ANKRD44: variants seen among roughly 807,000 people sequenced by gnomAD.
ANKRD44 encodes the protein serine/threonine-protein phosphatase 6 regulatory ankyrin repeat subunit B.
Under a neutral mutation model 116.0 loss-of-function variants are expected in ANKRD44, and 35 were observed. The ratio of observed to expected loss-of-function variants is 0.30; its 90% confidence interval spans 0.23 to 0.40. ANKRD44 has a LOEUF of 0.40. Among genes scored for constraint, ANKRD44 ranks in the 10% least tolerant of loss-of-function variants. The pLI is 1.00. For synonymous variants in ANKRD44, 435 were observed against 461.8 expected (o/e 0.94, Z 0.74); for missense variants, 1,014 against 1,242.6 (o/e 0.82, Z 2.77).
intron 21 of ANKRD44, among the ~76,000 whole-genome samples, chr2:196,968,105 T>C (rs1424952270): frequency 1.3e-5 from 2 of 152,196 alleles, no homozygotes; most frequent in African/African-American, 4.8e-5. Flanking sequence ...CTTTGTAAAT[T>C]ACCCAGCCTC....
chr2:197,293,754 C>T (rs1329557715), intron 1 of ANKRD44, among the ~76,000 whole-genome samples: 2 of 152,140 alleles, frequency 1.3e-5, no homozygotes, highest in East Asian at 1.9e-4. Context: ...AGGCAATATC[C>T]TTATGGCCTT....
At chr2:197,076,850 G>T (rs1329590766) in intron 16 of ANKRD44, among the ~76,000 whole-genome samples, 4 of 152,146 alleles carry the variant, frequency 2.6e-5, no homozygotes, top group African/African-American at 4.8e-5. Context: ...CTTTTTTATG[G>T]CTGCATAGTA....
chr2:197,147,061 T>G lies in ANKRD44; in HGVS notation c.156A>C (p.Gly52=), dbSNP rs1362534327. 6.2e-7 allele frequency: 1 copy of G among 1,613,908 alleles called. No individual in the cohort carries two copies. The highest frequency in any genetic ancestry group is 8.5e-7 in the Non-Finnish European group (1 of 1,179,804). Residue 52 remains glycine (G), a synonymous_variant, in exon 3 of 28, where the codon GGA becomes GGC. Transcript: ENST00000282272. ...TCAGGAGTTCAATGATCTCTGCATC[T>G]CCCAGAAATGCGGCCACATGAAGAG... ...RTPLHVAAFL[G]DAEIIELLIL... is the part of the protein sequence containing the mutation.
chr2:196,999,887 C>T (rs982619882), intron 23 of ANKRD44, among the ~76,000 whole-genome samples: 1 of 152,086 alleles, frequency 6.6e-6, no homozygotes, highest in Non-Finnish European at 1.5e-5. Context: ...GCCACTGTAC[C>T]CTGCCCAGAC....
At chr2:196,979,554 C>CTTTTTTTTTTTTTTTTTTTTTT (rs71012942) in intron 21 of ANKRD44, among the ~76,000 whole-genome samples, 12 of 59,644 alleles carry the variant, frequency 2.0e-4, no homozygotes, top group Middle Eastern at 0.012. Flanking sequence ...AATAAGATGA[C>CTTTTTTTTTTTTTTTTTTTTTT]TTTTTTTTTT....
chr2:197,118,637 G>GAGAGAGAGAGAGAGAGAGAAAGAA (rs773839262), intron 8 of ANKRD44, among the ~76,000 whole-genome samples: 2 of 112,442 alleles, frequency 1.8e-5, no homozygotes, highest in East Asian at 4.8e-4. Flanking sequence ...GAGAGAGAGA[G>GAGAGAGAGAGAGAGAGAGAAAGAA]AGAAAGAAAG....
chr2:197,205,148 G>C (rs2081178366), intron 1 of ANKRD44, among the ~76,000 whole-genome samples: 1 of 152,214 alleles, frequency 6.6e-6, no homozygotes, highest in African/African-American at 2.4e-5. Flanking sequence ...CCCTGTCCCA[G>C]AACCACAGAG....
At position 197,013,296 on chromosome 2, in the gene ANKRD44, T is replaced by C. The variant is rs187360633; in HGVS notation, c.1924+215A>G. 3.8e-4 allele frequency among the ~76,000 whole-genome samples: 58 copies of C among 152,326 alleles called. 1 individual carries two copies. In the East Asian group the frequency reaches 9.5e-3, roughly 25 times the overall value. On this transcript the variant is annotated intron_variant, in intron 18 of 27. Transcript: ENST00000282272. ...TTAGCCAAAAGTTCTGAACTCTCTTTTGAGTTAACAAGGCCAGAGCACCTG... is the reference window on the plus strand; with the variant it reads ...TTAGCCAAAAGTTCTGAACTCTCTTCTGAGTTAACAAGGCCAGAGCACCTG...
chr2:197,033,617 C>T (rs1009301956), intron 16 of ANKRD44, among the ~76,000 whole-genome samples: 2 of 151,200 alleles, frequency 1.3e-5, no homozygotes, highest in African/African-American at 2.4e-5. Flanking sequence ...ATTTCACAAA[C>T]AGCACAGGGA....
intron 9 of ANKRD44, among the ~76,000 whole-genome samples, chr2:197,106,998 T>A (rs927810909): frequency 6.6e-6 from 1 of 152,086 alleles, no homozygotes. Context: ...GCAAATGAAA[T>A]CTCTTTACCG....
At chr2:197,171,106 T>C (rs2080223149) in intron 2 of ANKRD44, among the ~76,000 whole-genome samples, 1 of 152,216 alleles carries the variant, frequency 6.6e-6, no homozygotes, top group Non-Finnish European at 1.5e-5. Context: ...CAGAAAACAT[T>C]TGCTTCTCTA....
At chr2:197,294,968 T>C (rs2083675866) in intron 1 of ANKRD44, among the ~76,000 whole-genome samples, 1 of 152,160 alleles carries the variant, frequency 6.6e-6, no homozygotes, top group Admixed American at 6.5e-5. Context: ...AAAAATCCTA[T>C]AGAAAAGGCA....
At chr2:196,981,009 C>T (rs2075797617) in intron 21 of ANKRD44, among the ~76,000 whole-genome samples, 1 of 147,956 alleles carries the variant, frequency 6.8e-6, no homozygotes. Flanking sequence ...ACATCCAATG[C>T]TTTTTTTTCT....
chr2:197,146,928 C>A, intron 3 of ANKRD44, 99 bp downstream of exon 3: 1 of 960,804 alleles, frequency 1.0e-6, no homozygotes, highest in Non-Finnish European at 1.6e-6. Context: ...ATGAACATAA[C>A]AAAGGAATTT....
chr2:197,088,708 C>T lies in ANKRD44; in HGVS notation c.1247+3G>A. The T allele has an allele frequency of 1.2e-6, 2 of 1,606,212 alleles. No individual in the cohort carries two copies. Among genetic ancestry groups the T allele is most frequent in the Non-Finnish European group, 1.7e-6 (2 of 1,174,218 alleles). On this transcript the variant is annotated splice_donor_region_variant and intron_variant, in intron 12 of 27. Transcript: ENST00000282272. ...AAATTAACTAGAATTGGTAACTACT[C>T]ACCCTCCTGCAGCAGCAGCATGAAG...
At chr2:197,083,016 T>C (rs530566691) in intron 14 of ANKRD44, among the ~76,000 whole-genome samples, 10 of 152,326 alleles carry the variant, frequency 6.6e-5, no homozygotes, top group African/African-American at 1.9e-4. Flanking sequence ...ATATGACATA[T>C]ATATTAGCAA....
intron 25 of ANKRD44, among the ~76,000 whole-genome samples, chr2:196,996,731 C>T (rs1036323371): frequency 6.6e-6 from 1 of 151,792 alleles, no homozygotes; most frequent in African/African-American, 2.4e-5. Flanking sequence ...GGTGAAACTC[C>T]ATCTCTCCTA....
chr2:196,998,203 A>G, intron 25 of ANKRD44, 134 bp downstream of exon 25: 2 of 655,500 alleles, frequency 3.1e-6, no homozygotes, highest in Non-Finnish European at 5.2e-6. Flanking sequence ...TTCCACTTTC[A>G]GTTGACAAGA....
chr2:197,016,879 A>G (rs2076402569), intron 17 of ANKRD44, among the ~76,000 whole-genome samples: 1 of 152,220 alleles, frequency 6.6e-6, no homozygotes, highest in Admixed American at 6.5e-5. Context: ...CAGCACAGAC[A>G]AAAGACTAAT....
Sources: allele counts gnomAD v4.1 joint callset (sites outside exome capture counted in the v4.1 genomes callset), GRCh38; gene constraint gnomAD v4.1.1; transcripts MANE v1.5; gene names NCBI Gene and HGNC (gene_info 2026-07-23, HGNC 2026-07-21).